The following SHROOM4 variants were observed in gnomAD, a reference collection of about 807,000 sequenced individuals.
SHROOM4 encodes the protein protein Shroom4.
A neutral mutation model predicts 80.3 loss-of-function variants in SHROOM4; 17 were observed. That is an observed-to-expected ratio of 0.21 (90% CI 0.14 to 0.32). The LOEUF is 0.32. SHROOM4 is among the 10% of genes least tolerant of loss of function. SHROOM4 has a pLI of 1.00. For missense variants in SHROOM4, 993 were observed against 1,140.3 expected, an observed-to-expected ratio of 0.87 and a Z score of 1.86; for synonymous variants, 400 against 437.5, an observed-to-expected ratio of 0.91 and a Z score of 1.07.
intron 2 of SHROOM4, among the ~76,000 whole-genome samples, chrX:50,651,392 TCACATAAGGCTTGAA>T (rs1932052481): frequency 9.0e-6 from 1 of 111,427 alleles, no homozygotes; most frequent in African/African-American, 3.3e-5. Flanking sequence ...GTGAAATAAA[TCACATAAGGCTTGAA>T]CACAAGTTTT....
chrX:50,635,143 T>C lies in SHROOM4; in HGVS notation c.930A>G (p.Lys310=), dbSNP rs138300850. ...EPVVPLPQKE[K]LSLEPVLPAR... Reference sequence around the variant, plus strand: ...CGGGTAGCACAGGCTCTAAGCTCAGTTTCTCCTTCTGTGGCAAGGGGACCA... The same window carrying C: ...CGGGTAGCACAGGCTCTAAGCTCAGCTTCTCCTTCTGTGGCAAGGGGACCA... Residue 310 remains lysine (K), a synonymous_variant, in exon 4 of 9, where the codon AAA becomes AAG. Transcript: ENST00000376020. 2.5e-6 allele frequency: 3 copies of C among 1,208,633 alleles called. No individual in the cohort carries two copies. In the African/African-American group the frequency reaches 5.2e-5, roughly 21 times the overall value.
At position 50,587,648 on chromosome X, in the gene SHROOM4, C is replaced by T. The variant is rs1255064631; in HGVS notation, c.*9047G>A. 8.9e-6 allele frequency among the ~76,000 whole-genome samples: 1 copy of T among 112,033 alleles called. No homozygotes were observed. Among genetic ancestry groups the T allele is most frequent in the African/African-American group, 3.2e-5 (1 of 30,837 alleles). On this transcript the variant is annotated 3_prime_UTR_variant, in exon 9 of 9. Coordinates refer to ENST00000376020, the MANE Select transcript of SHROOM4 (RefSeq NM_020717.5). ...TAATTGTATATTTATACTTATCTAT[C>T]TCTTTCATTAGGATAAAAGCCCCAC... is the stretch of plus-strand genomic sequence containing the variant.
chrX:50,714,366 A>G (rs1487455425), intron 1 of SHROOM4, among the ~76,000 whole-genome samples: 1 of 112,159 alleles, frequency 8.9e-6, no homozygotes, highest in Non-Finnish European at 1.9e-5. Flanking sequence ...AAATATTTGC[A>G]AACTATTCAT....
intron 1 of SHROOM4, among the ~76,000 whole-genome samples, chrX:50,756,547 T>A (rs1161939057): frequency 8.9e-6 from 1 of 112,381 alleles, no homozygotes; most frequent in Non-Finnish European, 1.9e-5. Flanking sequence ...GATAGCTCTA[T>A]GTTTAACATT....
chrX:50,797,165 G>A (rs782510639), intron 1 of SHROOM4, among the ~76,000 whole-genome samples: 129 of 110,455 alleles, frequency 1.2e-3, no homozygotes, highest in African/African-American at 4.1e-3. Flanking sequence ...GATTTACAGA[G>A]GAGAATGGAG....
chrX:50,784,192 T>C (rs1935689866), intron 1 of SHROOM4, among the ~76,000 whole-genome samples: 1 of 112,366 alleles, frequency 8.9e-6, no homozygotes, highest in Non-Finnish European at 1.9e-5. Flanking sequence ...TGAGGTGTAG[T>C]GGTGTGATTC....
intron 1 of SHROOM4, among the ~76,000 whole-genome samples, chrX:50,790,939 G>C (rs1352517916): frequency 4.5e-5 from 5 of 110,784 alleles, no homozygotes; most frequent in Non-Finnish European, 9.4e-5. Context: ...TTCTTACCCA[G>C]CATAATTAGG....
chrX:50,608,092 G>C lies in SHROOM4; in HGVS notation c.3050C>G (p.Ala1017Gly). Residue 1017 changes from alanine (A) to glycine (G), a missense_variant, in exon 6 of 9, where the codon GCA becomes GGA. Transcript: ENST00000376020. ...NPALDLSSYR[A>G]ISSLDLLGDF... ...TCCAAGGAGGTCAAGAGAAGAAATTGCTCGGTAGCTTGACAAGTCCAGTGC... is the reference window on the plus strand; with the variant it reads ...TCCAAGGAGGTCAAGAGAAGAAATTCCTCGGTAGCTTGACAAGTCCAGTGC... 8.3e-7 allele frequency: 1 copy of C among 1,211,400 alleles called. No homozygotes were observed. Among genetic ancestry groups the C allele is most frequent in the South Asian group, 1.8e-5 (1 of 56,869 alleles).
rs1055547599 is a variant in SHROOM4 at position 50,589,802 on chromosome X, A to T, written c.*6893T>A. ...CTCTTGGGTATATACCTAGGGATGG[A>T]ATTGCTAAGTCATGTGGAAATTCTA... On this transcript the variant is annotated 3_prime_UTR_variant, in exon 9 of 9. Transcript: ENST00000376020. Among the ~76,000 whole-genome samples, 4 of 111,923 alleles carry T rather than the reference A, an allele frequency of 3.6e-5. No homozygotes were observed. Among genetic ancestry groups the T allele is most frequent in the African/African-American group, 9.8e-5 (3 of 30,750 alleles).
At chrX:50,618,472 T>C (rs1219902956) in intron 5 of SHROOM4, among the ~76,000 whole-genome samples, 2 of 106,318 alleles carry the variant, frequency 1.9e-5, no homozygotes, top group African/African-American at 6.9e-5. Context: ...AGTGGCGCAA[T>C]CTTGGCCGAC....
At chrX:50,795,085 T>TC (rs1569549135) in intron 1 of SHROOM4, among the ~76,000 whole-genome samples, 1 of 67,760 alleles carries the variant, frequency 1.5e-5, no homozygotes, top group East Asian at 4.0e-4. Context: ...GATATATATA[T>TC]ATGATATATA....
Position 50,592,475 on chromosome X carries a change from G to C in SHROOM4, c.*4220C>G, listed in dbSNP as rs1928923908. ...GTTCATTGAATAAGTGGCAGAACCAGGATTTGAACACAGTTCATTCTAATG... is the reference window on the plus strand; with the variant it reads ...GTTCATTGAATAAGTGGCAGAACCACGATTTGAACACAGTTCATTCTAATG... On this transcript the variant is annotated 3_prime_UTR_variant, in exon 9 of 9. Transcript: ENST00000376020. 4.5e-6 allele frequency: 1 copy of C among 224,352 alleles called. No individual in the cohort carries two copies. The highest frequency in any genetic ancestry group is 8.2e-6 in the Non-Finnish European group (1 of 122,428). 18.5% of individuals were successfully genotyped at this position (224,352 alleles called of 1,213,427 possible). A position where few individuals can be genotyped will look rare whatever the true frequency, so the allele number is the denominator to read the frequency against.
chrX:50,665,383 G>A (rs996075608), intron 2 of SHROOM4, among the ~76,000 whole-genome samples: 3 of 110,921 alleles, frequency 2.7e-5, no homozygotes, highest in Non-Finnish European at 3.8e-5. Flanking sequence ...TTTTCTCTGG[G>A]CTTTACTGGG....
chrX:50,705,089 C>T (rs1345008141), intron 1 of SHROOM4, among the ~76,000 whole-genome samples: 2 of 111,745 alleles, frequency 1.8e-5, no homozygotes, highest in Admixed American at 1.9e-4. Context: ...ATTAAATCAG[C>T]ACACTTGCTG....
Position 50,633,796 on chromosome X carries a change from A to G in SHROOM4, c.2277T>C (p.Ala759=), listed in dbSNP as rs1931189617. The G allele has an allele frequency of 8.3e-7, 1 of 1,210,914 alleles. No homozygotes were observed. The highest frequency in any genetic ancestry group is 2.2e-5 in the Admixed American group (1 of 45,941). The change falls in exon 4 of 9, where the codon GCT becomes GCC. Residue 759 remains alanine (A), a synonymous_variant. Transcript: ENST00000376020. ...GDNKELKAST[A]QAGEDAILLP... is the part of the protein sequence containing the mutation. ...AGAGGATGGCATCCTCCCCAGCTTG[A>G]GCAGTAGAAGCCTTCAATTCCTTGT...
At chrX:50,688,981 C>T (rs1034410910) in intron 2 of SHROOM4, among the ~76,000 whole-genome samples, 1 of 110,926 alleles carries the variant, frequency 9.0e-6, no homozygotes, top group African/African-American at 3.3e-5. Flanking sequence ...GATCAAAAAG[C>T]AAAAAATCTA....
intron 1 of SHROOM4, among the ~76,000 whole-genome samples, chrX:50,710,715 A>C (rs1933793905): frequency 8.9e-6 from 1 of 112,084 alleles, no homozygotes; most frequent in Admixed American, 9.5e-5. Flanking sequence ...AATAAAAAAT[A>C]TCTCACAATT....
At position 50,726,929 on chromosome X, in the gene SHROOM4, C is replaced by G. The variant is rs781986665; in HGVS notation, c.118-30992G>C. 2.7e-5 allele frequency among the ~76,000 whole-genome samples: 3 copies of G among 112,713 alleles called. No individual in the cohort carries two copies. In the Admixed American group the frequency reaches 2.8e-4, roughly 10 times the overall value. ...GACCCCAGAATGGTAGATCCACTGA[C>G]AGCTTGCACTGTACAACCTGGAAAA... is the stretch of plus-strand genomic sequence containing the variant. On this transcript the variant is annotated intron_variant, in intron 1 of 8. Coordinates refer to ENST00000376020, the MANE Select transcript of SHROOM4 (RefSeq NM_020717.5).
chrX:50,791,147 A>G (rs1298462592), intron 1 of SHROOM4, among the ~76,000 whole-genome samples: 3 of 111,280 alleles, frequency 2.7e-5, no homozygotes, highest in Non-Finnish European at 5.7e-5. Flanking sequence ...GCAAAAATCA[A>G]CAGTGTTTCT....
Sources: gnomAD v4.1 joint callset for allele counts (sites outside exome capture counted in the v4.1 genomes callset) on GRCh38, gnomAD v4.1.1 for gene constraint, MANE v1.5 for transcripts, NCBI Gene and HGNC (gene_info 2026-07-23, HGNC 2026-07-21) for gene names.